Variants in QKI observed in about 807,000 individuals in gnomAD.
QKI encodes the protein QKI, KH domain containing RNA binding.
A neutral mutation model predicts 39.0 loss-of-function variants in QKI; 10 were observed. The observed-to-expected ratio is 0.26, with a 90% confidence interval of 0.16 to 0.43. The LOEUF is 0.43. Ranked by LOEUF, QKI falls within the 20% of genes least tolerant of loss-of-function variation. The pLI, the probability that QKI is intolerant of heterozygous loss-of-function variation, is 1.00. For synonymous variants in QKI, 204 were observed against 155.4 expected (o/e 1.31, Z -2.33); for missense variants, 218 against 428.0 (o/e 0.51, Z 4.33).
At chr6:163,428,559 A>T (rs562327312) in intron 1 of QKI, among the ~76,000 whole-genome samples, 10 of 152,284 alleles carry the variant, frequency 6.6e-5, no homozygotes, top group Admixed American at 6.5e-4. Flanking sequence ...GTCTTATCTC[A>T]CTTTTATTAT....
chr6:163,492,688 G>A (rs1301576790), intron 3 of QKI, among the ~76,000 whole-genome samples: 2 of 152,108 alleles, frequency 1.3e-5, no homozygotes, highest in Non-Finnish European at 2.9e-5. Context: ...AAAATTTGGA[G>A]TAATTTTATC....
At chr6:163,536,413 A>G (rs1304895784) in intron 4 of QKI, among the ~76,000 whole-genome samples, 12 of 152,170 alleles carry the variant, frequency 7.9e-5, no homozygotes, top group Admixed American at 7.9e-4. Flanking sequence ...GGTATATAAC[A>G]TATAAAACAT....
rs1364976645 is a variant in QKI at position 163,577,178 on chromosome 6, T to G, written c.*6468T>G. On this transcript the variant is annotated 3_prime_UTR_variant, in exon 8 of 8. Transcript: ENST00000361752. ...CCTTGTACCTTAAGTTTTCCAGTCTTTCTTATTTATATCATCTCCAAGTAC... is the reference window on the plus strand; with the variant it reads ...CCTTGTACCTTAAGTTTTCCAGTCTGTCTTATTTATATCATCTCCAAGTAC... 6.6e-6 allele frequency: 1 copy of G among 151,150 alleles called. No individual in the cohort carries two copies. The highest frequency in any genetic ancestry group is 2.1e-4 in the South Asian group (1 of 4,818). The allele number at this position is 151,150 out of a possible 1,614,324, so 9.4% of individuals were successfully genotyped here.
chr6:163,566,739 T>G lies in QKI; in HGVS notation c.953T>G (p.Val318Gly). Residue 318 changes from valine (V) to glycine (G), a missense_variant, in exon 7 of 8, where the codon GTT (valine) becomes GGT (glycine). This residue lies in a region of QKI where 117 missense variants were observed against 186.0 expected (regional missense o/e 0.63). Transcript: ENST00000361752. ...SGVLGAVATK[V>G]RRHDMRVHPY... The stretch of plus-strand genomic sequence containing the variant: ...TAACTAGGTGCGGTGGCTACTAAAG[T>G]TCGAAGGCACGATATGCGTGTCCAT... The G allele has an allele frequency of 6.2e-7, 1 of 1,613,830 alleles. No homozygotes were observed. The highest frequency in any genetic ancestry group is 8.5e-7 in the Non-Finnish European group (1 of 1,179,864).
intron 1 of QKI, chr6:163,423,731 T>C (rs1788188873): frequency 6.6e-6 from 1 of 152,210 alleles, no homozygotes; most frequent in Non-Finnish European, 1.5e-5. Flanking sequence ...AGAAAGCCAT[T>C]TTTAGAGGAT....
intron 3 of QKI, among the ~76,000 whole-genome samples, chr6:163,496,077 T>G (rs1302993664): frequency 6.6e-6 from 1 of 152,230 alleles, no homozygotes; most frequent in Non-Finnish European, 1.5e-5. Flanking sequence ...CATTTAATTG[T>G]AATGAATATA....
At chr6:163,508,634 A>G (rs183836266) in intron 3 of QKI, among the ~76,000 whole-genome samples, 6 of 150,992 alleles carry the variant, frequency 4.0e-5, no homozygotes, top group Admixed American at 6.6e-5. Context: ...AGCTCAAGCA[A>G]TTCCCCTGCC....
intron 7 of QKI, chr6:163,567,521 G>C (rs1198738482): frequency 1.0e-6 from 1 of 984,230 alleles, no homozygotes; most frequent in Non-Finnish European, 1.2e-6. Context: ...CCAGCTGTGT[G>C]AATATAATTT....
At chr6:163,420,317 C>T (rs1245639126) in intron 1 of QKI, among the ~76,000 whole-genome samples, 1 of 151,442 alleles carries the variant, frequency 6.6e-6, no homozygotes, top group East Asian at 1.9e-4. Flanking sequence ...GTAGCTAATA[C>T]ATTTGTTTGA....
chr6:163,424,085 G>C (rs552691670), intron 1 of QKI, among the ~76,000 whole-genome samples: 8 of 152,148 alleles, frequency 5.3e-5, no homozygotes, highest in Non-Finnish European at 1.2e-4. Context: ...GGGGATGATT[G>C]CTCATTTCAA....
chr6:163,494,929 T>A (rs1778308443), intron 3 of QKI, among the ~76,000 whole-genome samples: 1 of 151,720 alleles, frequency 6.6e-6, no homozygotes. Context: ...ATTTATTTTT[T>A]TTTTGAGACA....
At chr6:163,417,706 C>G (rs1321692717) in intron 1 of QKI, among the ~76,000 whole-genome samples, 1 of 152,186 alleles carries the variant, frequency 6.6e-6, no homozygotes, top group Non-Finnish European at 1.5e-5. Context: ...TCCCCTTCCC[C>G]TTTTAATGTG....
At chr6:163,424,318 A>T (rs1214952005) in intron 1 of QKI, among the ~76,000 whole-genome samples, 3 of 152,196 alleles carry the variant, frequency 2.0e-5, no homozygotes, top group Non-Finnish European at 4.4e-5. Flanking sequence ...TTCAAGTTTT[A>T]ACTCTGTATG....
In QKI at chr6:163,442,362, C is replaced by G. The variant is rs542126280; in HGVS notation, c.143-12917C>G. On this transcript the variant is annotated intron_variant, in intron 1 of 7. Coordinates refer to ENST00000361752, the MANE Select transcript of QKI (RefSeq NM_006775.3). ...GGTAAGTTTTATTAGACATAACTTT[C>G]ATGAACAGGGATCTCTTTGGGCTCC... 2.6e-5 allele frequency among the ~76,000 whole-genome samples: 4 copies of G among 152,210 alleles called. No individual in the cohort carries two copies. In the East Asian group the frequency reaches 7.7e-4, roughly 29 times the overall value.
chr6:163,455,734 T>C (rs1014364934), intron 2 of QKI, among the ~76,000 whole-genome samples: 1 of 152,228 alleles, frequency 6.6e-6, no homozygotes, highest in Non-Finnish European at 1.5e-5. Context: ...ATCTTTAATC[T>C]GACCTTCAAG....
chr6:163,542,865 T>C (rs7769044), intron 4 of QKI, among the ~76,000 whole-genome samples: 1 of 152,124 alleles, frequency 6.6e-6, no homozygotes, highest in African/African-American at 2.4e-5. Context: ...GTTTTGAAAT[T>C]TAAAGTTGTC....
chr6:163,495,411 G>C (rs747568003), intron 3 of QKI, among the ~76,000 whole-genome samples: 7 of 152,064 alleles, frequency 4.6e-5, no homozygotes, highest in Non-Finnish European at 1.0e-4. Context: ...GTGTGTGTCT[G>C]TATGTATGTA....
chr6:163,549,605 C>T (rs750333307), intron 4 of QKI, among the ~76,000 whole-genome samples: 4 of 152,130 alleles, frequency 2.6e-5, no homozygotes, highest in South Asian at 2.1e-4. Flanking sequence ...TCAGCTACTC[C>T]GAAAGCTGAG....
intron 1 of QKI, among the ~76,000 whole-genome samples, chr6:163,426,085 A>G (rs889854043): frequency 1.3e-5 from 2 of 152,222 alleles, no homozygotes; most frequent in African/African-American, 4.8e-5. Flanking sequence ...ACTGAGCAAG[A>G]TGGATTAATC....
Sources: allele counts gnomAD v4.1 joint callset (sites outside exome capture counted in the v4.1 genomes callset), GRCh38; gene constraint gnomAD v4.1.1; regional missense constraint gnomAD v4.1.1; transcripts MANE v1.5; gene names NCBI Gene and HGNC (gene_info 2026-07-23, HGNC 2026-07-21).